Variants in KIF18A observed in about 807,000 individuals in gnomAD.
The protein encoded by KIF18A is kinesin-like protein KIF18A.
In KIF18A, 67 loss-of-function variants were observed where a neutral mutation model predicts 103.3. The ratio of observed to expected loss-of-function variants is 0.65; its 90% CI spans 0.53 to 0.79. KIF18A has a LOEUF of 0.79. Among genes scored for constraint, KIF18A ranks in the 30% least tolerant of loss-of-function variants. KIF18A has a pLI of 0.00. For synonymous variants in KIF18A, 367 were observed against 355.5 expected, an observed-to-expected ratio of 1.03 and a Z score of -0.36; for missense variants, 1,032 against 1,062.5, an observed-to-expected ratio of 0.97 and a Z score of 0.40.
In KIF18A at chr11:28,083,996, C is replaced by T. The variant is rs148836905; in HGVS notation, c.1074+636G>A. 8.6e-5 allele frequency among the ~76,000 whole-genome samples: 13 copies of T among 151,848 alleles called. No homozygotes were observed. The East Asian group carries it at 2.3e-3, about 27-fold the overall frequency. On this transcript the variant is annotated intron_variant, in intron 7 of 16. Coordinates refer to ENST00000263181, the MANE Select transcript of KIF18A (RefSeq NM_031217.4). ...GCTTAACTCTAGGTTTTTTCAACCC[C>T]GATATATTATAATTTAAACATACAT...
intron 13 of KIF18A, among the ~76,000 whole-genome samples, chr11:28,058,662 CAAAAAAAAAAAAAAA>C (rs58273868): frequency 3.9e-4 from 25 of 64,430 alleles, no homozygotes; most frequent in African/African-American, 1.0e-3. Flanking sequence ...ACCCTGTCAC[CAAAAAAAAAAAAAAA>C]AAAAAAAAAA....
intron 13 of KIF18A, among the ~76,000 whole-genome samples, chr11:28,044,961 C>T (rs1193632845): frequency 6.6e-6 from 1 of 151,870 alleles, no homozygotes; most frequent in Non-Finnish European, 1.5e-5. Flanking sequence ...ACTACATTTG[C>T]TAAGTGGTTA....
chr11:28,047,590 A>G (rs1205332949), intron 13 of KIF18A, among the ~76,000 whole-genome samples: 1 of 152,146 alleles, frequency 6.6e-6, no homozygotes, highest in Admixed American at 6.6e-5. Context: ...AGAAAATGAC[A>G]TTCTCAAAGT....
chr11:28,074,921 C>T (rs1184113189), intron 10 of KIF18A, among the ~76,000 whole-genome samples: 3 of 151,964 alleles, frequency 2.0e-5, no homozygotes, highest in African/African-American at 7.2e-5. Context: ...CAATGAATAT[C>T]GAAACTGGGG....
chr11:28,076,323 G>A (rs559782704), intron 10 of KIF18A, among the ~76,000 whole-genome samples: 4 of 152,056 alleles, frequency 2.6e-5, no homozygotes, highest in Non-Finnish European at 5.9e-5. Context: ...ATCTCCTGTT[G>A]GTCTAAGTTG....
intron 15 of KIF18A, among the ~76,000 whole-genome samples, chr11:28,024,626 C>T (rs1433976373): frequency 2.0e-5 from 3 of 152,066 alleles, no homozygotes; most frequent in East Asian, 1.9e-4. Flanking sequence ...TTCCATAATA[C>T]AAGGAGCTAT....
At chr11:28,046,911 G>A (rs533392704) in intron 13 of KIF18A, among the ~76,000 whole-genome samples, 34 of 150,678 alleles carry the variant, frequency 2.3e-4, no homozygotes, top group Non-Finnish European at 1.0e-4. Flanking sequence ...AAAATTAGCC[G>A]GGCCTGGTGG....
At chr11:28,099,520 T>C (rs1048647550) in intron 1 of KIF18A, among the ~76,000 whole-genome samples, 1 of 152,218 alleles carries the variant, frequency 6.6e-6, no homozygotes, top group African/African-American at 2.4e-5. Flanking sequence ...TAGCCTGATA[T>C]GCTCATTCCA....
intron 13 of KIF18A, 25 bp from the exon 14 acceptor site, chr11:28,036,689 A>G: frequency 7.0e-7 from 1 of 1,425,734 alleles, no homozygotes; most frequent in Non-Finnish European, 9.5e-7. Context: ...AAAAAAAGAC[A>G]CTCGATAATG....
chr11:28,072,591 G>T (rs1851034141), intron 10 of KIF18A, among the ~76,000 whole-genome samples: 1 of 151,882 alleles, frequency 6.6e-6, no homozygotes, highest in African/African-American at 2.4e-5. Context: ...TTTTCAGTGG[G>T]TTAACTACAC....
At chr11:28,087,774 G>A (rs113595913) in intron 6 of KIF18A, among the ~76,000 whole-genome samples, 2 of 151,858 alleles carry the variant, frequency 1.3e-5, no homozygotes, top group African/African-American at 2.4e-5. Flanking sequence ...TTTAATGATC[G>A]CCATTCTAAC....
intron 10 of KIF18A, among the ~76,000 whole-genome samples, chr11:28,072,442 G>T (rs983560738): frequency 2.0e-5 from 3 of 152,114 alleles, no homozygotes; most frequent in African/African-American, 7.2e-5. Context: ...GATTCTTTCA[G>T]CACTTCTGAT....
chr11:28,044,136 T>A (rs542366570), intron 13 of KIF18A, among the ~76,000 whole-genome samples: 1 of 152,112 alleles, frequency 6.6e-6, no homozygotes, highest in East Asian at 1.9e-4. Context: ...AGGTAACTGC[T>A]CCTTTGTTAC....
intron 13 of KIF18A, among the ~76,000 whole-genome samples, chr11:28,045,003 T>A (rs1843130309): frequency 6.6e-6 from 1 of 152,024 alleles, no homozygotes; most frequent in Non-Finnish European, 1.5e-5. Flanking sequence ...TGGTGAGTGG[T>A]TAAGTGGTTA....
intron 16 of KIF18A, among the ~76,000 whole-genome samples, 181 bp downstream of exon 16, chr11:28,023,560 A>G (rs1438943011): frequency 3.9e-5 from 6 of 152,156 alleles, no homozygotes; most frequent in African/African-American, 1.4e-4. Context: ...ATCTTGGGTA[A>G]ATGCTTTTGT....
chr11:28,107,363 A>G lies in KIF18A; in HGVS notation c.-47+701T>C, dbSNP rs150109722. Among the ~76,000 whole-genome samples the G allele has an allele frequency of 3.1e-3, 474 of 152,074 alleles. 5 individuals are homozygous for G. The highest frequency in any genetic ancestry group is 0.025 in the East Asian group (130 of 5,148). Reference sequence around the variant, plus strand: ...GTCTTGGCTTCTCTGTAACTGAGTGACTAATGAGCTCCTAAAAAAAAAAAA... The same window carrying G: ...GTCTTGGCTTCTCTGTAACTGAGTGGCTAATGAGCTCCTAAAAAAAAAAAA... On this transcript the variant is annotated intron_variant, in intron 1 of 16. Coordinates refer to ENST00000263181, the MANE Select transcript of KIF18A (RefSeq NM_031217.4).
chr11:28,096,060 A>G (rs922894147), intron 2 of KIF18A, among the ~76,000 whole-genome samples: 1 of 149,236 alleles, frequency 6.7e-6, no homozygotes, highest in Non-Finnish European at 1.5e-5. Context: ...TGTGAATTAC[A>G]TATGGTAAAT....
rs765009941 is a variant in KIF18A, at chr11:28,074,306, T to C, written c.1425+2701A>G. 5.5e-4 allele frequency among the ~76,000 whole-genome samples: 84 copies of C among 152,130 alleles called. 1 individual carries two copies. The highest frequency in any genetic ancestry group is 1.1e-3 in the Non-Finnish European group (74 of 67,996). On this transcript the variant is annotated intron_variant, in intron 10 of 16. Transcript: ENST00000263181. ...TCACAACAACAAATTGATAAATTAATCCAATGAGATAGTTATTTGGAAGTC... is the reference window on the plus strand; with the variant it reads ...TCACAACAACAAATTGATAAATTAACCCAATGAGATAGTTATTTGGAAGTC...
chr11:28,047,608 G>A (rs928163277), intron 13 of KIF18A, among the ~76,000 whole-genome samples: 2 of 152,100 alleles, frequency 1.3e-5, no homozygotes, highest in Non-Finnish European at 2.9e-5. Context: ...AGTCATGATA[G>A]CAATTATATT....
Sources: allele counts gnomAD v4.1 joint callset (sites outside exome capture counted in the v4.1 genomes callset), GRCh38; gene constraint gnomAD v4.1.1; transcripts MANE v1.5; gene names NCBI Gene and HGNC (gene_info 2026-07-23, HGNC 2026-07-21).